Variants in ZNF136 observed in about 807,000 individuals in gnomAD.
ZNF136 encodes the protein zinc finger protein 136.
Under a neutral mutation model 11.4 loss-of-function variants are expected in ZNF136, and 8 were observed. The ratio of observed to expected loss-of-function variants is 0.70; its 90% CI spans 0.41 to 1.27. The LOEUF (loss-of-function observed/expected upper bound fraction) is 1.27. Among genes scored for constraint, ZNF136 ranks in the 50% most tolerant of loss-of-function variants. The pLI, the probability that ZNF136 is intolerant of heterozygous loss-of-function variation, is 0.01. For missense variants in ZNF136, 590 were observed against 656.5 expected (o/e 0.90, Z 1.11); for synonymous variants, 190 against 207.1 (o/e 0.92, Z 0.71).
intron 1 of ZNF136, among the ~76,000 whole-genome samples, chr19:12,171,978 C>CTTTTTT (rs57769136): frequency 7.7e-6 from 1 of 129,546 alleles, no homozygotes; most frequent in Non-Finnish European, 1.7e-5. Flanking sequence ...CTCTCTCTCT[C>CTTTTTT]TTTTTTTTTT....
intron 1 of ZNF136, chr19:12,164,838 G>A (rs1168318244): frequency 1.3e-5 from 2 of 152,190 alleles, no homozygotes; most frequent in African/African-American, 4.8e-5. Flanking sequence ...ACTCCCTGAA[G>A]CTATGAATTC....
chr19:12,167,306 T>C (rs1377144509), intron 1 of ZNF136, among the ~76,000 whole-genome samples: 1 of 152,238 alleles, frequency 6.6e-6, no homozygotes. Flanking sequence ...TGAAGAGTCA[T>C]GAAGCCAAAT....
At chr19:12,173,797 C>G (rs191039365) in intron 1 of ZNF136, among the ~76,000 whole-genome samples, 35 of 152,266 alleles carry the variant, frequency 2.3e-4, no homozygotes, top group Admixed American at 5.9e-4. Context: ...TCTCGTAGGA[C>G]TGAGCCCTCA....
intron 1 of ZNF136, among the ~76,000 whole-genome samples, chr19:12,173,967 A>G (rs1914724336): frequency 6.6e-6 from 1 of 151,874 alleles, no homozygotes; most frequent in Non-Finnish European, 1.5e-5. Flanking sequence ...GTGCAATGGC[A>G]TGATCTCGGC....
Position 12,187,937 on chromosome 19 carries a change from A to G in ZNF136, c.1559A>G (p.Gln520Arg). The change falls in exon 4 of 4, where the codon CAG becomes CGG. Residue 520 changes from glutamine to arginine, a missense_variant. Physicochemically the swap from Gln to Arg is conservative, Grantham distance 43 (BLOSUM62 1). Coordinates refer to ENST00000343979, the MANE Select transcript of ZNF136 (RefSeq NM_003437.5). ...GCCTATTCTTGCCGTGCCAGCTTTCAGAGACACATGTTAACACATGCTGAA... is the reference window on the plus strand; with the variant it reads ...GCCTATTCTTGCCGTGCCAGCTTTCGGAGACACATGTTAACACATGCTGAA... ...GKAYSCRASFQRHMLTHAEDG... is the reference protein window; with the variant it reads ...GKAYSCRASFRRHMLTHAEDG... 1 of 1,566,582 alleles carries G rather than the reference A, an allele frequency of 6.4e-7. No individual in the cohort carries two copies. Among genetic ancestry groups the G allele is most frequent in the African/African-American group, 1.4e-5 (1 of 72,980 alleles).
chr19:12,176,345 A>G (rs1046942213), intron 1 of ZNF136, among the ~76,000 whole-genome samples: 2 of 149,738 alleles, frequency 1.3e-5, no homozygotes, highest in Non-Finnish European at 3.0e-5. Flanking sequence ...TTTTTTTTTG[A>G]GATGGAGTTT....
intron 1 of ZNF136, among the ~76,000 whole-genome samples, chr19:12,179,513 G>T (rs1234436115): frequency 1.3e-5 from 2 of 152,070 alleles, no homozygotes; most frequent in African/African-American, 2.4e-5. Flanking sequence ...GTTCCTCCAT[G>T]TTGGCCAGGG....
intron 1 of ZNF136, among the ~76,000 whole-genome samples, chr19:12,169,682 C>T (rs532990739): frequency 3.3e-4 from 50 of 151,828 alleles, no homozygotes; most frequent in Non-Finnish European, 5.7e-4. Flanking sequence ...GATCTTGGCT[C>T]ACTGCAAGCC....
Position 12,188,370 on chromosome 19 carries a change from T to G in ZNF136, c.*369T>G, listed in dbSNP as rs1026014905. ...GAGTGTGGGAGAGCCTTTAGTCATTTTAGTTCCACTTGAAGCCATGAAAGA... is the reference window on the plus strand; with the variant it reads ...GAGTGTGGGAGAGCCTTTAGTCATTGTAGTTCCACTTGAAGCCATGAAAGA... On this transcript the variant is annotated 3_prime_UTR_variant, in exon 4 of 4. Transcript: ENST00000343979. The G allele has an allele frequency of 5.9e-6, 1 of 170,014 alleles. No individual in the cohort carries two copies. The highest frequency in any genetic ancestry group is 2.4e-5 in the African/African-American group (1 of 42,068). The allele number at this position is 170,014 out of a possible 1,614,324, so 10.5% of individuals were successfully genotyped here.
intron 1 of ZNF136, among the ~76,000 whole-genome samples, chr19:12,181,105 G>A (rs761593302): frequency 2.0e-5 from 3 of 152,206 alleles, no homozygotes; most frequent in Non-Finnish European, 2.9e-5. Flanking sequence ...CTTTCTTCTG[G>A]CTCCTGGCTC....
intron 1 of ZNF136, among the ~76,000 whole-genome samples, chr19:12,164,439 CTTTTTTTTTTTT>C (rs61233117): frequency 8.1e-6 from 1 of 122,854 alleles, no homozygotes; most frequent in Non-Finnish European, 1.7e-5. Context: ...TCCCAGATAA[CTTTTTTTTTTTT>C]TTTTTTTTTT....
rs1915167584 is a variant in ZNF136, at chr19:12,188,165, T to A, written c.*164T>A. On this transcript the variant is annotated 3_prime_UTR_variant, in exon 4 of 4. Coordinates refer to ENST00000343979, the MANE Select transcript of ZNF136 (RefSeq NM_003437.5). ...GTAAGTAACATGGGAAAGCTTTCAA[T>A]CATTTTAGTTCCTTTCAAATACATG... 2 of 504,360 alleles carry A rather than the reference T, an allele frequency of 4.0e-6. No individual in the cohort carries two copies. The highest frequency in any genetic ancestry group is 6.5e-6 in the Non-Finnish European group (2 of 308,382). The allele number at this position is 504,360 out of a possible 1,614,324, so 31.2% of individuals were successfully genotyped here.
At chr19:12,185,627 T>G in intron 1 of ZNF136, 158 bp from the exon 2 acceptor site, 403 of 835,384 alleles carry the variant, frequency 4.8e-4, no homozygotes, top group Middle Eastern at 1.4e-3. Flanking sequence ...CATTCTAGTA[T>G]GAGAGTTGCT....
intron 1 of ZNF136, among the ~76,000 whole-genome samples, chr19:12,177,343 T>A (rs539866645): frequency 6.6e-5 from 10 of 152,316 alleles, no homozygotes; most frequent in African/African-American, 2.4e-4. Flanking sequence ...GAAGTTTTTG[T>A]TTGTTTGTTT....
chr19:12,187,440 T>C lies in ZNF136; in HGVS notation c.1062T>C (p.His354=), dbSNP rs755212318. 3.7e-6 allele frequency: 6 copies of C among 1,613,934 alleles called. No individual in the cohort carries two copies. Among genetic ancestry groups the C allele is most frequent in the Non-Finnish European group, 5.1e-6 (6 of 1,179,968 alleles). The change falls in exon 4 of 4, where the codon CAT becomes CAC. Residue 354 remains histidine (H), a synonymous_variant. Transcript: ENST00000343979. The part of the protein sequence containing the change: ...AFRSASTFQI[H]ERTHTGEKPY... Reference sequence around the variant, plus strand: ...GATCTGCCAGTACCTTTCAAATACATGAAAGGACTCACACTGGAGAAAAAC... The same window carrying C: ...GATCTGCCAGTACCTTTCAAATACACGAAAGGACTCACACTGGAGAAAAAC...
At chr19:12,174,604 C>G (rs1205910342) in intron 1 of ZNF136, among the ~76,000 whole-genome samples, 1 of 152,168 alleles carries the variant, frequency 6.6e-6, no homozygotes, top group Non-Finnish European at 1.5e-5. Flanking sequence ...TAACCACAGA[C>G]TGGATGCCTG....
Sources: gnomAD v4.1 joint callset for allele counts (sites outside exome capture counted in the v4.1 genomes callset) on GRCh38, gnomAD v4.1.1 for gene constraint, MANE v1.5 for transcripts, NCBI Gene and HGNC (gene_info 2026-07-23, HGNC 2026-07-21) for gene names.